The following ENTREP2 variants were observed in gnomAD, a reference collection of about 807,000 sequenced individuals.
The protein encoded by ENTREP2 is endosomal transmembrane epsin interactor 2.
the ENTREP2 span, among the ~76,000 whole-genome samples, chr15:29,575,101 G>A: frequency 6.6e-6 from 1 of 152,136 alleles, no homozygotes; most frequent in Non-Finnish European, 1.5e-5. Context: ...GAGTTCAGGA[G>A]TCTCCAAAGG....
the ENTREP2 span, among the ~76,000 whole-genome samples, chr15:29,490,033 T>C: frequency 6.6e-6 from 1 of 152,200 alleles, no homozygotes; most frequent in Non-Finnish European, 1.5e-5. Context: ...AGTTTAACAA[T>C]GGAAAATGAA....
At chr15:29,156,193 T>C in the ENTREP2 span, among the ~76,000 whole-genome samples, 3 of 152,126 alleles carry the variant, frequency 2.0e-5, no homozygotes, top group African/African-American at 7.2e-5. Flanking sequence ...TGTTTTGTTT[T>C]GTTTTGTTTT....
At chr15:29,422,072 A>G in the ENTREP2 span, among the ~76,000 whole-genome samples, 1 of 152,128 alleles carries the variant, frequency 6.6e-6, no homozygotes, top group African/African-American at 2.4e-5. Context: ...GTTCAAAACC[A>G]GCCTGGCCAA....
At chr15:29,279,840 T>C in the ENTREP2 span, among the ~76,000 whole-genome samples, 2 of 152,180 alleles carry the variant, frequency 1.3e-5, no homozygotes, top group East Asian at 3.8e-4. Flanking sequence ...TGAGAAATCA[T>C]GTTGTATCTT....
the ENTREP2 span, among the ~76,000 whole-genome samples, chr15:29,406,955 T>C: frequency 1.1e-3 from 168 of 152,296 alleles, 1 homozygote; most frequent in African/African-American, 3.8e-3. Context: ...AGTACTACAA[T>C]TACAGTGCCT....
chr15:29,594,010 T>C, the ENTREP2 span, among the ~76,000 whole-genome samples: 8 of 152,182 alleles, frequency 5.3e-5, 1 homozygote, highest in Non-Finnish European at 7.3e-5. Flanking sequence ...CAAGATGTTA[T>C]GGTGGGGGAA....
chr15:29,502,500 T>A, the ENTREP2 span, among the ~76,000 whole-genome samples: 1 of 151,978 alleles, frequency 6.6e-6, no homozygotes, highest in Admixed American at 6.6e-5. Flanking sequence ...AAAAAAAGCA[T>A]AGATATAAAT....
At chr15:29,209,507 A>G in the ENTREP2 span, among the ~76,000 whole-genome samples, 5 of 152,164 alleles carry the variant, frequency 3.3e-5, no homozygotes, top group African/African-American at 1.2e-4. Context: ...GTCTCAAAAC[A>G]AAAACAAAAA....
At chr15:29,398,145 A>G in the ENTREP2 span, among the ~76,000 whole-genome samples, 2 of 149,506 alleles carry the variant, frequency 1.3e-5, no homozygotes. Context: ...AAAACTTAGC[A>G]TTCCTCATCT....
the ENTREP2 span, among the ~76,000 whole-genome samples, chr15:29,288,362 C>T: frequency 6.6e-6 from 1 of 152,160 alleles, no homozygotes; most frequent in Non-Finnish European, 1.5e-5. Flanking sequence ...CTGTAACGCC[C>T]AGCACAGTGC....
At chr15:29,472,051 G>A in the ENTREP2 span, among the ~76,000 whole-genome samples, 1 of 152,174 alleles carries the variant, frequency 6.6e-6, no homozygotes, top group Non-Finnish European at 1.5e-5. Flanking sequence ...CCAAGCAACA[G>A]GGCAGTGGGC....
the ENTREP2 span, among the ~76,000 whole-genome samples, chr15:29,152,776 GTT>G: frequency 1.3e-3 from 193 of 152,280 alleles, 4 homozygotes; most frequent in East Asian, 0.032. Context: ...GTGAACATAA[GTT>G]TTTGTTTCTC....
the ENTREP2 span, among the ~76,000 whole-genome samples, chr15:29,144,577 A>C: frequency 6.6e-6 from 1 of 152,138 alleles, no homozygotes; most frequent in Non-Finnish European, 1.5e-5. Context: ...AAAAAATTAA[A>C]AAATTAGCTG....
chr15:29,122,762 G>A, the ENTREP2 span: 2 of 152,558 alleles, frequency 1.3e-5, no homozygotes, highest in African/African-American at 4.8e-5. Context: ...CAATAGCCCT[G>A]TGGACAGAAA....
chr15:29,531,768 C>T, the ENTREP2 span, among the ~76,000 whole-genome samples: 2 of 152,126 alleles, frequency 1.3e-5, no homozygotes, highest in Non-Finnish European at 2.9e-5. Context: ...CAGGTTCAAG[C>T]GATTCTCCTG....
At chr15:29,654,103 A>G in the ENTREP2 span, among the ~76,000 whole-genome samples, 1 of 152,216 alleles carries the variant, frequency 6.6e-6, no homozygotes, top group Non-Finnish European at 1.5e-5. Flanking sequence ...TACTTATCTT[A>G]AATATTAGAC....
the ENTREP2 span, among the ~76,000 whole-genome samples, chr15:29,625,824 A>G: frequency 1.3e-5 from 2 of 152,008 alleles, no homozygotes; most frequent in African/African-American, 4.8e-5. Flanking sequence ...GCCTATTTTT[A>G]TATTTTAGCT....
At chr15:29,219,028 A>G in the ENTREP2 span, among the ~76,000 whole-genome samples, 2 of 152,200 alleles carry the variant, frequency 1.3e-5, no homozygotes, top group African/African-American at 4.8e-5. Context: ...GACAACCCAC[A>G]GGGTGGCAGA....
chr15:29,463,541 G>T, the ENTREP2 span, among the ~76,000 whole-genome samples: 4 of 152,172 alleles, frequency 2.6e-5, no homozygotes, highest in Admixed American at 2.6e-4. Flanking sequence ...ACAGATGAGA[G>T]AGAGAGACGG....
Sources: allele counts gnomAD v4.1 joint callset (sites outside exome capture counted in the v4.1 genomes callset), GRCh38; gene constraint gnomAD v4.1.1; transcripts MANE v1.5; gene names NCBI Gene and HGNC (gene_info 2026-07-23, HGNC 2026-07-21).